Variants in KIAA0319 observed in about 807,000 individuals in gnomAD.
KIAA0319 encodes dyslexia-associated protein KIAA0319.
In KIAA0319, 83 loss-of-function variants were observed where a neutral mutation model predicts 108.4. The ratio of observed to expected loss-of-function variants is 0.77; its 90% CI spans 0.64 to 0.92. The LOEUF (loss-of-function observed/expected upper bound fraction) is 0.92, where lower values mean the gene tolerates loss of function less well. KIAA0319 is among the 40% of genes least tolerant of loss of function. KIAA0319 has a pLI of 0.00. For missense variants in KIAA0319, 1,195 were observed against 1,322.4 expected, an observed-to-expected ratio of 0.90 and a Z score of 1.49; for synonymous variants, 484 against 510.4, an observed-to-expected ratio of 0.95 and a Z score of 0.70.
chr6:24,609,453 T>C (rs1405832265), intron 1 of KIAA0319, among the ~76,000 whole-genome samples: 1 of 149,932 alleles, frequency 6.7e-6, no homozygotes, highest in Admixed American at 6.7e-5. Flanking sequence ...GGCACATGCC[T>C]GTAATCCCAG....
chr6:24,604,319 G>T (rs908165934), intron 1 of KIAA0319, among the ~76,000 whole-genome samples: 9 of 152,144 alleles, frequency 5.9e-5, no homozygotes, highest in Admixed American at 3.3e-4. Context: ...GGCAAGAGAA[G>T]AGCAACTGGC....
intron 1 of KIAA0319, among the ~76,000 whole-genome samples, chr6:24,608,723 G>A (rs1771811784): frequency 6.6e-6 from 1 of 151,966 alleles, no homozygotes; most frequent in Non-Finnish European, 1.5e-5. Flanking sequence ...GAGGTCAGGA[G>A]ATCGAGACCA....
chr6:24,563,597 G>A (rs1440453217), intron 15 of KIAA0319, 79 bp from the exon 16 acceptor site: 1 of 1,361,918 alleles, frequency 7.3e-7, no homozygotes, highest in African/African-American at 1.4e-5. Context: ...GTTTCTATAG[G>A]AGCTCAAAGT....
chr6:24,585,336 T>TAA (rs529068850), intron 4 of KIAA0319, among the ~76,000 whole-genome samples: 1 of 141,160 alleles, frequency 7.1e-6, no homozygotes, highest in Non-Finnish European at 1.6e-5. Flanking sequence ...CTACAAAGAT[T>TAA]AAAAAAAAAA....
At chr6:24,638,754 C>T (rs1215683054) in intron 1 of KIAA0319, among the ~76,000 whole-genome samples, 8 of 85,178 alleles carry the variant, frequency 9.4e-5, no homozygotes, top group South Asian at 4.0e-4. Context: ...TGCCAGACTC[C>T]GTCTCAAAAA....
chr6:24,604,705 G>T (rs1481562687), intron 1 of KIAA0319, among the ~76,000 whole-genome samples: 1 of 152,054 alleles, frequency 6.6e-6, no homozygotes, highest in African/African-American at 2.4e-5. Context: ...CATATTTAAG[G>T]TTCTTTCTTT....
At position 24,596,609 on chromosome 6, in the gene KIAA0319, C is replaced by A. The variant is rs529788093; in HGVS notation, c.65G>T (p.Arg22Leu). 20 of 1,602,152 alleles carry A rather than the reference C, an allele frequency of 1.2e-5. No homozygotes were observed. The highest frequency in any genetic ancestry group is 1.6e-5 in the Non-Finnish European group (19 of 1,171,972). ...LLLVTIAGCA[R>L]KQCSEGRTYS... ...TGTCCTCCCCTCGCTGCACTGCTTACGGGCACAACCTTTAAACAAAGTAGT... is the reference window on the plus strand; with the variant it reads ...TGTCCTCCCCTCGCTGCACTGCTTAAGGGCACAACCTTTAAACAAAGTAGT... The change falls in exon 3 of 21, where the codon CGT becomes CTT. Residue 22 changes from arginine to leucine, a missense_variant. Coordinates refer to ENST00000378214, the MANE Select transcript of KIAA0319 (RefSeq NM_014809.4).
Position 24,551,504 on chromosome 6 carries a change from C to G in KIAA0319, c.2970G>C (p.Arg990Ser). Residue 990 changes from arginine (R) to serine (S), a missense_variant, in exon 20 of 21, where the codon AGG (arginine) becomes AGC (serine). By Grantham distance (110) the Arg-to-Ser change is moderately radical. Transcript: ENST00000378214. ...CCAGGATGGTGTACTTTGTTTTTTT[C>G]CTGATTTTAGTCCTTTTTTGTCTGA... is the stretch of plus-strand genomic sequence containing the variant. Reference protein sequence around the residue: ...CCKRQKRTKIRKKTKYTILDN... With the variant: ...CCKRQKRTKISKKTKYTILDN... 1 of 1,610,762 alleles carries G rather than the reference C, an allele frequency of 6.2e-7. No homozygotes were observed. Among genetic ancestry groups the G allele is most frequent in the East Asian group, 2.2e-5 (1 of 44,870 alleles).
At chr6:24,569,651 TG>T (rs1368636503) in intron 12 of KIAA0319, among the ~76,000 whole-genome samples, 5 of 152,276 alleles carry the variant, frequency 3.3e-5, no homozygotes, top group Admixed American at 3.3e-4. Flanking sequence ...GAACCTCTTC[TG>T]TCATGAGCTC....
At chr6:24,593,382 T>C (rs914008711) in intron 3 of KIAA0319, among the ~76,000 whole-genome samples, 8 of 145,088 alleles carry the variant, frequency 5.5e-5, no homozygotes, top group Non-Finnish European at 1.2e-4. Context: ...ATTTGAATAA[T>C]TATCTTTTTT....
At chr6:24,597,579 T>C (rs1769852326) in intron 2 of KIAA0319, among the ~76,000 whole-genome samples, 1 of 152,194 alleles carries the variant, frequency 6.6e-6, no homozygotes, top group African/African-American at 2.4e-5. Flanking sequence ...CAAGTTGCCA[T>C]AATTACTTCA....
At chr6:24,632,378 G>A (rs1775691282) in intron 1 of KIAA0319, among the ~76,000 whole-genome samples, 1 of 125,072 alleles carries the variant, frequency 8.0e-6, no homozygotes, top group Admixed American at 9.0e-5. Flanking sequence ...GAAGCTCTGT[G>A]GCTCACCATT....
rs761570750 is a variant in KIAA0319, at chr6:24,563,346, G to A, written c.2591+13C>T. On this transcript the variant is annotated intron_variant, in intron 16 of 20. Transcript: ENST00000378214. ...GTACGGCCAAGGCCCCGCCTTGAGT[G>A]TGCAGCTCCTACCTGAGATCCGAGT... 1.9e-6 allele frequency: 3 copies of A among 1,608,916 alleles called. No homozygotes were observed. The highest frequency in any genetic ancestry group is 1.7e-6 in the Non-Finnish European group (2 of 1,177,130).
chr6:24,614,772 A>G (rs899930454), intron 1 of KIAA0319, among the ~76,000 whole-genome samples: 1 of 152,166 alleles, frequency 6.6e-6, no homozygotes, highest in East Asian at 1.9e-4. Context: ...AATATTTATT[A>G]TAGAGAATCC....
At chr6:24,616,761 T>C (rs12209409) in intron 1 of KIAA0319, among the ~76,000 whole-genome samples, 4,948 of 152,318 alleles carry the variant, frequency 0.032, 129 homozygotes, top group Middle Eastern at 0.082. Context: ...ATGTGAATAT[T>C]CTCACTAATG....
intron 1 of KIAA0319, among the ~76,000 whole-genome samples, chr6:24,620,839 A>G (rs1224820985): frequency 6.6e-6 from 1 of 152,230 alleles, no homozygotes. Flanking sequence ...TTTACCTCCA[A>G]ATATAGTCAC....
At chr6:24,612,814 T>G (rs376854204) in intron 1 of KIAA0319, among the ~76,000 whole-genome samples, 1 of 152,098 alleles carries the variant, frequency 6.6e-6, no homozygotes, top group South Asian at 2.1e-4. Context: ...TGTTGTTGTT[T>G]TTGAGACTGA....
intron 1 of KIAA0319, among the ~76,000 whole-genome samples, chr6:24,613,988 A>G (rs957109192): frequency 3.9e-5 from 6 of 152,206 alleles, no homozygotes; most frequent in African/African-American, 1.4e-4. Context: ...CCTGTGGATA[A>G]TAGGAGGAAA....
Position 24,568,829 on chromosome 6 carries a change from G to A in KIAA0319, c.2092C>T (p.Gln698Ter). 6.2e-7 allele frequency: 1 copy of A among 1,614,154 alleles called. No individual in the cohort carries two copies. The highest frequency in any genetic ancestry group is 1.1e-5 in the South Asian group (1 of 91,082). Reference sequence around the variant, plus strand: ...GTGGACGTGCTGCTCAGTCCCTGCTGGTCTTTCACTGTCAAACGGAAGTGG... The same window carrying A: ...GTGGACGTGCTGCTCAGTCCCTGCTAGTCTTTCACTGTCAAACGGAAGTGG... ...TYHFRLTVKDQQGLSSTSTLT... is the reference protein window; with the variant it reads ...TYHFRLTVKD The change falls in exon 13 of 21, where the codon CAG becomes TAG. Residue 698 changes from glutamine to a stop codon, truncating the protein, a stop_gained. Transcript: ENST00000378214. LOFTEE classifies it high-confidence loss of function.
Sources: allele counts gnomAD v4.1 joint callset (sites outside exome capture counted in the v4.1 genomes callset), GRCh38; gene constraint gnomAD v4.1.1; transcripts MANE v1.5; gene names NCBI Gene and HGNC (gene_info 2026-07-23, HGNC 2026-07-21).